The following LDLRAD3 variants were observed in gnomAD, a reference collection of about 807,000 sequenced individuals.
LDLRAD3 encodes low-density lipoprotein receptor class A domain-containing protein 3.
A neutral mutation model predicts 29.4 loss-of-function variants in LDLRAD3; 20 were observed. That is an observed-to-expected ratio of 0.68 (90% CI 0.48 to 0.99). The LOEUF is 0.99. LDLRAD3 is among the 50% of genes least tolerant of loss of function. The pLI, the probability that LDLRAD3 is intolerant of heterozygous loss-of-function variation, is 0.00. For missense variants in LDLRAD3, 420 were observed against 454.3 expected, an observed-to-expected ratio of 0.92 and a Z score of 0.69; for synonymous variants, 157 against 192.7, an observed-to-expected ratio of 0.81 and a Z score of 1.53.
intron 1 of LDLRAD3, among the ~76,000 whole-genome samples, chr11:35,970,391 G>A (rs957326607): frequency 3.3e-5 from 5 of 152,230 alleles, no homozygotes; most frequent in Admixed American, 6.5e-5. Flanking sequence ...ACTGGAGCAT[G>A]TAGGTGCAGG....
At chr11:36,148,517 A>G (rs181618405) in intron 4 of LDLRAD3, among the ~76,000 whole-genome samples, 3 of 152,052 alleles carry the variant, frequency 2.0e-5, no homozygotes, top group African/African-American at 7.2e-5. Context: ...TCTGACAGTT[A>G]TATTTACCAG....
chr11:36,121,872 G>A (rs1311895742), intron 4 of LDLRAD3, among the ~76,000 whole-genome samples: 1 of 152,246 alleles, frequency 6.6e-6, no homozygotes, highest in African/African-American at 2.4e-5. Context: ...ATCGGGTAAA[G>A]AGAGGGAGGG....
chr11:36,050,886 C>T (rs188122894), intron 2 of LDLRAD3, among the ~76,000 whole-genome samples: 198 of 152,272 alleles, frequency 1.3e-3, no homozygotes, highest in African/African-American at 4.3e-3. Flanking sequence ...GGTGAGGGCT[C>T]GCGTCCTGGT....
At chr11:36,062,428 A>G (rs968609280) in intron 2 of LDLRAD3, among the ~76,000 whole-genome samples, 2 of 152,116 alleles carry the variant, frequency 1.3e-5, no homozygotes, top group Non-Finnish European at 2.9e-5. Context: ...GACACACAGA[A>G]AGCCAATCAC....
intron 4 of LDLRAD3, among the ~76,000 whole-genome samples, chr11:36,184,533 C>G (rs1381656428): frequency 6.6e-6 from 1 of 152,070 alleles, no homozygotes; most frequent in Non-Finnish European, 1.5e-5. Context: ...TTTGGAAATT[C>G]ATTGAAGACT....
intron 1 of LDLRAD3, among the ~76,000 whole-genome samples, chr11:36,029,162 T>G (rs1207970537): frequency 2.0e-5 from 3 of 152,186 alleles, no homozygotes; most frequent in Non-Finnish European, 4.4e-5. Flanking sequence ...GAAGAATCGC[T>G]TGAACCCGGG....
chr11:36,138,467 T>G (rs1042311293), intron 4 of LDLRAD3, among the ~76,000 whole-genome samples: 1 of 152,218 alleles, frequency 6.6e-6, no homozygotes, highest in African/African-American at 2.4e-5. Flanking sequence ...GAGGTGGCTC[T>G]CAGACTATTT....
intron 1 of LDLRAD3, among the ~76,000 whole-genome samples, chr11:35,981,356 C>T (rs144741227): frequency 7.8e-4 from 119 of 152,224 alleles, no homozygotes; most frequent in South Asian, 6.4e-3. Flanking sequence ...CCTTCCTGGT[C>T]TCAGTGTCTT....
chr11:36,046,761 G>C lies in LDLRAD3; in HGVS notation c.193+10512G>C, dbSNP rs376514968. 1.7e-4 allele frequency among the ~76,000 whole-genome samples: 26 copies of C among 152,282 alleles called. No homozygotes were observed. In the East Asian group the frequency reaches 4.4e-3, roughly 26 times the overall value. ...TTAGCTGCCTGGTGGTCCCCAAGCT[G>C]TGTGGATGCTCACTGCATTCACTTG... On this transcript the variant is annotated intron_variant, in intron 2 of 5. Coordinates refer to ENST00000315571, the MANE Select transcript of LDLRAD3 (RefSeq NM_174902.4).
intron 1 of LDLRAD3, among the ~76,000 whole-genome samples, chr11:36,017,713 C>T (rs932275087): frequency 3.3e-5 from 5 of 151,846 alleles, no homozygotes; most frequent in African/African-American, 7.3e-5. Context: ...TTAGTAGAGA[C>T]GGGGTTTCAC....
At chr11:36,129,423 C>G (rs1254883243) in intron 4 of LDLRAD3, among the ~76,000 whole-genome samples, 2 of 152,122 alleles carry the variant, frequency 1.3e-5, no homozygotes, top group Non-Finnish European at 2.9e-5. Context: ...CTGTGCCAAC[C>G]TAGAAGGCCA....
At chr11:36,199,585 A>ACACG (rs1554973188) in intron 4 of LDLRAD3, among the ~76,000 whole-genome samples, 13 of 150,470 alleles carry the variant, frequency 8.6e-5, no homozygotes, top group South Asian at 6.2e-4. Context: ...ACACACACAC[A>ACACG]CACGCACGCA....
intron 2 of LDLRAD3, among the ~76,000 whole-genome samples, chr11:36,072,110 C>T (rs1852915203): frequency 6.6e-6 from 1 of 152,184 alleles, no homozygotes; most frequent in Non-Finnish European, 1.5e-5. Flanking sequence ...CACATACTGG[C>T]AGGATCCTGG....
In LDLRAD3 at chr11:36,195,306, TC is replaced by T. The variant is rs1184880180; in HGVS notation, c.455-31778del. ...GCATTTTTCTAGAAGCATAGAAGCA[TC>T]GTACTATGTTGGCATTGCACATAAG... On this transcript the variant is annotated intron_variant, in intron 4 of 5. Transcript: ENST00000315571. 1.2e-4 allele frequency among the ~76,000 whole-genome samples: 18 copies of T among 151,992 alleles called. No homozygotes were observed. The East Asian group carries it at 1.7e-3, about 15-fold the overall frequency.
intron 1 of LDLRAD3, among the ~76,000 whole-genome samples, chr11:35,947,336 G>A (rs574654866): frequency 1.4e-4 from 22 of 151,894 alleles, no homozygotes; most frequent in Middle Eastern, 3.4e-3. Context: ...TGGTGAAACC[G>A]TCGTCTCTAC....
chr11:36,193,728 A>G (rs913718203), intron 4 of LDLRAD3, among the ~76,000 whole-genome samples: 5 of 152,010 alleles, frequency 3.3e-5, no homozygotes, highest in Non-Finnish European at 7.4e-5. Context: ...TCATTCCTTT[A>G]TGCCTTGTCT....
At chr11:36,084,434 CAT>C (rs1177495308) in intron 3 of LDLRAD3, among the ~76,000 whole-genome samples, 1 of 152,084 alleles carries the variant, frequency 6.6e-6, no homozygotes, top group Non-Finnish European at 1.5e-5. Context: ...GCCTGGGTAA[CAT>C]AGCAAGACCC....
intron 4 of LDLRAD3, among the ~76,000 whole-genome samples, chr11:36,130,744 G>C (rs1192525679): frequency 6.6e-6 from 1 of 152,166 alleles, no homozygotes; most frequent in Non-Finnish European, 1.5e-5. Context: ...ACAGCAGCTG[G>C]TTGAGGAGCT....
chr11:36,228,896 G>A (rs1855534859), intron 5 of LDLRAD3, among the ~76,000 whole-genome samples: 1 of 152,164 alleles, frequency 6.6e-6, no homozygotes, highest in Admixed American at 6.5e-5. Flanking sequence ...GGACTTGGTG[G>A]GCGACCTCAT....
Sources: allele counts gnomAD v4.1 joint callset (sites outside exome capture counted in the v4.1 genomes callset), GRCh38; gene constraint gnomAD v4.1.1; transcripts MANE v1.5; gene names NCBI Gene and HGNC (gene_info 2026-07-23, HGNC 2026-07-21).